Variants in IMMP2L observed in about 807,000 individuals in gnomAD.
The protein encoded by IMMP2L is inner mitochondrial membrane peptidase subunit 2, also known as mitochondrial inner membrane protease subunit 2.
Under a neutral mutation model 19.3 loss-of-function variants are expected in IMMP2L, and 18 were observed. The ratio of observed to expected loss-of-function variants is 0.93; its 90% CI spans 0.64 to 1.38. The LOEUF is 1.38. Among genes scored for constraint, IMMP2L ranks in the 40% most tolerant of loss-of-function variants. The pLI is 0.00. For synonymous variants in IMMP2L, 76 were observed against 73.0 expected, an observed-to-expected ratio of 1.04 and a Z score of -0.21; for missense variants, 233 against 218.2, an observed-to-expected ratio of 1.07 and a Z score of -0.43.
At chr7:111,197,835 T>G (rs1809670464) in intron 3 of IMMP2L, among the ~76,000 whole-genome samples, 1 of 152,230 alleles carries the variant, frequency 6.6e-6, no homozygotes, top group African/African-American at 2.4e-5. Context: ...TGAAAATTAC[T>G]CTTGATGCTA....
At chr7:111,289,367 A>G (rs1402955341) in intron 3 of IMMP2L, among the ~76,000 whole-genome samples, 1 of 151,902 alleles carries the variant, frequency 6.6e-6, no homozygotes, top group Non-Finnish European at 1.5e-5. Context: ...GTGTACACCT[A>G]GGTAACAAAC....
At chr7:111,185,626 G>A (rs1177779136) in intron 3 of IMMP2L, among the ~76,000 whole-genome samples, 1 of 152,112 alleles carries the variant, frequency 6.6e-6, no homozygotes, top group Non-Finnish European at 1.5e-5. Flanking sequence ...AAGTATTCTT[G>A]TAGATTAGAA....
At chr7:111,129,972 A>G (rs947258223) in intron 3 of IMMP2L, among the ~76,000 whole-genome samples, 8 of 152,298 alleles carry the variant, frequency 5.3e-5, no homozygotes, top group Non-Finnish European at 8.8e-5. Context: ...TTCATTTACA[A>G]TATACACAGA....
chr7:111,476,114 A>T (rs1215013155), intron 3 of IMMP2L, among the ~76,000 whole-genome samples: 1 of 152,102 alleles, frequency 6.6e-6, no homozygotes, highest in Admixed American at 6.6e-5. Flanking sequence ...ACTAGTCTGT[A>T]CCTCTTATTC....
intron 3 of IMMP2L, among the ~76,000 whole-genome samples, chr7:111,422,620 G>C (rs547261782): frequency 2.0e-5 from 3 of 151,982 alleles, no homozygotes; most frequent in Middle Eastern, 3.4e-3. Context: ...ATTTTGGGTT[G>C]AGACGATAGT....
intron 3 of IMMP2L, among the ~76,000 whole-genome samples, chr7:111,055,362 C>T (rs1282906778): frequency 6.6e-6 from 1 of 152,160 alleles, no homozygotes; most frequent in Non-Finnish European, 1.5e-5. Context: ...AGTTTCTGAA[C>T]GTGGTTCTAC....
At chr7:111,517,447 C>A (rs1200052214) in intron 2 of IMMP2L, among the ~76,000 whole-genome samples, 69 of 140,498 alleles carry the variant, frequency 4.9e-4, no homozygotes, top group African/African-American at 7.9e-4. Context: ...GTATCAATTG[C>A]AAAAAAAAAA....
intron 3 of IMMP2L, among the ~76,000 whole-genome samples, chr7:111,376,880 C>T (rs577148453): frequency 3.6e-4 from 54 of 151,970 alleles, no homozygotes; most frequent in African/African-American, 1.3e-3. Context: ...TTAGTGGTTG[C>T]TAGGGACAGA....
At chr7:110,818,287 T>C (rs1015473671) in intron 5 of IMMP2L, among the ~76,000 whole-genome samples, 3 of 151,908 alleles carry the variant, frequency 2.0e-5, no homozygotes, top group Non-Finnish European at 4.4e-5. Flanking sequence ...AACAACCCCA[T>C]CAACAAGTGG....
At chr7:110,858,374 A>G (rs1047217021) in intron 5 of IMMP2L, among the ~76,000 whole-genome samples, 1 of 152,006 alleles carries the variant, frequency 6.6e-6, no homozygotes, top group Admixed American at 6.6e-5. Context: ...TTTCCAGACT[A>G]AAGTTTTTGC....
At chr7:110,895,829 A>T (rs2129546636) in intron 4 of IMMP2L, among the ~76,000 whole-genome samples, 1 of 152,244 alleles carries the variant, frequency 6.6e-6, no homozygotes, top group Non-Finnish European at 1.5e-5. Flanking sequence ...TTTTCATTGT[A>T]CTACATAGGA....
At chr7:111,450,708 T>C (rs1258856014) in intron 3 of IMMP2L, among the ~76,000 whole-genome samples, 2 of 150,336 alleles carry the variant, frequency 1.3e-5, no homozygotes, top group Non-Finnish European at 3.0e-5. Flanking sequence ...AATTGACAAA[T>C]GGGATCTAAT....
chr7:110,998,081 A>G (rs1250220564), intron 3 of IMMP2L, among the ~76,000 whole-genome samples: 2 of 152,134 alleles, frequency 1.3e-5, no homozygotes, highest in Non-Finnish European at 1.5e-5. Flanking sequence ...AGTTGACTAT[A>G]TATCTCATAC....
At chr7:110,701,489 C>T (rs113133788) in intron 5 of IMMP2L, among the ~76,000 whole-genome samples, 8,885 of 151,976 alleles carry the variant, frequency 0.058, 880 homozygotes, top group African/African-American at 0.2. Context: ...GACGCAATCT[C>T]GGCTCACTAC....
At chr7:110,903,546 C>G (rs1432379837) in intron 4 of IMMP2L, among the ~76,000 whole-genome samples, 2 of 152,140 alleles carry the variant, frequency 1.3e-5, no homozygotes, top group Non-Finnish European at 2.9e-5. Context: ...TTTCACTTAG[C>G]ATAATGTCCT....
intron 3 of IMMP2L, among the ~76,000 whole-genome samples, chr7:111,141,733 CGTTT>C (rs147677094): frequency 0.026 from 3,911 of 152,090 alleles, 169 homozygotes; most frequent in African/African-American, 0.089. Context: ...GATGTTCATT[CGTTT>C]GTTTGTTTGT....
chr7:110,677,302 C>T (rs1433657272), intron 5 of IMMP2L, among the ~76,000 whole-genome samples: 2 of 152,054 alleles, frequency 1.3e-5, no homozygotes, highest in South Asian at 2.1e-4. Context: ...AGCAATTGCA[C>T]TGTTAAAAAT....
chr7:110,768,174 C>G (rs1303925032), intron 5 of IMMP2L, among the ~76,000 whole-genome samples: 1 of 151,062 alleles, frequency 6.6e-6, no homozygotes, highest in Non-Finnish European at 1.5e-5. Context: ...GGGAAGGCCT[C>G]CAGGAAGGGG....
At chr7:110,808,216 T>G (rs959441984) in intron 5 of IMMP2L, among the ~76,000 whole-genome samples, 2 of 152,018 alleles carry the variant, frequency 1.3e-5, no homozygotes, top group African/African-American at 4.8e-5. Flanking sequence ...TCAACTTAAA[T>G]GCATTCTGTT....
Sources: gnomAD v4.1 joint callset for allele counts (sites outside exome capture counted in the v4.1 genomes callset) on GRCh38, gnomAD v4.1.1 for gene constraint, MANE v1.5 for transcripts, NCBI Gene and HGNC (gene_info 2026-07-23, HGNC 2026-07-21) for gene names.